ST7: variants seen among roughly 807,000 people sequenced by gnomAD.
ST7 encodes the protein suppressor of tumorigenicity 7 protein.
Under a neutral mutation model 78.7 loss-of-function variants are expected in ST7, and 28 were observed. That is an observed-to-expected ratio of 0.36 (90% CI 0.26 to 0.49). The LOEUF (loss-of-function observed/expected upper bound fraction) is 0.49, where lower values mean the gene tolerates loss of function less well. Among genes scored for constraint, ST7 ranks in the 20% least tolerant of loss-of-function variants. The pLI, the probability that ST7 is intolerant of heterozygous loss-of-function variation, is 0.99. For missense variants in ST7, 418 were observed against 696.0 expected (o/e 0.60, Z 4.49); for synonymous variants, 247 against 249.6 (o/e 0.99, Z 0.10).
chr7:117,190,849 T>G lies in ST7; in HGVS notation c.1167T>G (p.Ala389=), dbSNP rs376908793. 1.2e-6 allele frequency: 2 copies of G among 1,613,870 alleles called. No individual in the cohort carries two copies. The highest frequency in any genetic ancestry group is 1.7e-6 in the Non-Finnish European group (2 of 1,179,968). The change falls in exon 12 of 16, where the codon GCT becomes GCG. Residue 389 remains alanine, a synonymous_variant. Transcript: ENST00000323984. This position sits in a 1 kb window ranked among gnomAD's most constrained non-coding sequence, Gnocchi z 5.2. The part of the protein sequence containing the change: ...RAVSDKFSPE[A]ASRRGLSTAE... ...TGCTTTTCAGATTCTCTCCTGAGGC[T>G]GCATCTCGGCGGGGGCTGAGCACAG...
chr7:117,008,609 A>G (rs1448860387), intron 1 of ST7, among the ~76,000 whole-genome samples: 1 of 152,200 alleles, frequency 6.6e-6, no homozygotes, highest in Non-Finnish European at 1.5e-5. Context: ...CACCAGTTCT[A>G]ATGTGATAGG....
At chr7:117,099,315 T>G (rs79269552) in intron 1 of ST7, among the ~76,000 whole-genome samples, 2,388 of 152,154 alleles carry the variant, frequency 0.016, 48 homozygotes, top group East Asian at 0.049. Flanking sequence ...TAATAACTAT[T>G]TAATATATTA....
chr7:117,152,705 A>G (rs1806388944), intron 9 of ST7, among the ~76,000 whole-genome samples: 1 of 152,152 alleles, frequency 6.6e-6, no homozygotes, highest in Non-Finnish European at 1.5e-5. Context: ...CTGCTGTGAT[A>G]TGGGCTGTAT....
intron 1 of ST7, among the ~76,000 whole-genome samples, chr7:117,086,233 T>C (rs1800135518): frequency 6.6e-6 from 1 of 152,210 alleles, no homozygotes; most frequent in Non-Finnish European, 1.5e-5. Context: ...AGTAACATGA[T>C]GGTTGGCCTT....
chr7:117,193,358 T>G (rs1809979289), intron 12 of ST7, among the ~76,000 whole-genome samples: 1 of 152,242 alleles, frequency 6.6e-6, no homozygotes, highest in African/African-American at 2.4e-5. Flanking sequence ...ATTATTGGTT[T>G]CTTTTGAATG....
intron 3 of ST7, among the ~76,000 whole-genome samples, chr7:117,129,010 G>C (rs1239500386): frequency 6.6e-6 from 1 of 151,744 alleles, no homozygotes; most frequent in African/African-American, 2.4e-5. Context: ...TGTTTTAAAA[G>C]AATTGTAGTT....
chr7:117,185,164 TAAG>T (rs1437894640), intron 10 of ST7, among the ~76,000 whole-genome samples: 1 of 152,156 alleles, frequency 6.6e-6, no homozygotes, highest in African/African-American at 2.4e-5. Context: ...ATATGGCTAA[TAAG>T]ATAACTATAC....
intron 1 of ST7, among the ~76,000 whole-genome samples, chr7:116,965,483 T>G (rs1243483655): frequency 6.6e-6 from 1 of 152,122 alleles, no homozygotes; most frequent in Non-Finnish European, 1.5e-5. Flanking sequence ...AGATAACACG[T>G]TGATGGGTGC....
At chr7:116,994,837 T>A (rs1794579137) in intron 1 of ST7, among the ~76,000 whole-genome samples, 1 of 152,238 alleles carries the variant, frequency 6.6e-6, no homozygotes. Context: ...ATGTGTAATG[T>A]AAAATGAATG....
At chr7:117,185,791 C>T (rs1437218710) in intron 10 of ST7, among the ~76,000 whole-genome samples, 3 of 152,026 alleles carry the variant, frequency 2.0e-5, no homozygotes, top group Middle Eastern at 3.2e-3. Context: ...GGCATGGTGG[C>T]GCATGCCTGT....
chr7:117,001,009 C>T (rs1276624198), intron 1 of ST7, among the ~76,000 whole-genome samples: 1 of 152,160 alleles, frequency 6.6e-6, no homozygotes, highest in African/African-American at 2.4e-5. Flanking sequence ...ATCTAAGATG[C>T]TTTTTGAGCA....
chr7:116,969,688 C>G (rs1585062367), intron 1 of ST7, among the ~76,000 whole-genome samples: 1 of 152,178 alleles, frequency 6.6e-6, no homozygotes, highest in East Asian at 1.9e-4. Flanking sequence ...GCTATTTATT[C>G]AAAGCCTCCC....
chr7:117,088,470 A>G (rs1800328685), intron 1 of ST7, among the ~76,000 whole-genome samples: 1 of 152,214 alleles, frequency 6.6e-6, no homozygotes, highest in Admixed American at 6.5e-5. Flanking sequence ...ACTTGTTAAT[A>G]TTCTTCTTAC....
chr7:117,099,291 A>G (rs1267182002), intron 1 of ST7, among the ~76,000 whole-genome samples: 5 of 152,156 alleles, frequency 3.3e-5, no homozygotes, highest in African/African-American at 1.2e-4. Context: ...GGGTAACCAT[A>G]GTATAATAAT....
intron 1 of ST7, among the ~76,000 whole-genome samples, chr7:117,001,617 T>G (rs1274112337): frequency 6.6e-6 from 1 of 152,234 alleles, no homozygotes; most frequent in African/African-American, 2.4e-5. Context: ...TGGGCCAACC[T>G]TGGAAGAAGG....
chr7:116,959,183 A>AT (rs1299246268), intron 1 of ST7: 1 of 469,226 alleles, frequency 2.1e-6, no homozygotes, highest in Non-Finnish European at 4.4e-6. Context: ...CCAGGAGTAG[A>AT]TTCTATCTCA....
At chr7:117,041,263 A>T (rs1797208999) in intron 1 of ST7, among the ~76,000 whole-genome samples, 1 of 152,234 alleles carries the variant, frequency 6.6e-6, no homozygotes, top group Non-Finnish European at 1.5e-5. Flanking sequence ...ATTCTAGTAG[A>T]TGAGCAAGCA....
At chr7:117,070,991 G>A (rs904624648) in intron 1 of ST7, among the ~76,000 whole-genome samples, 1 of 152,016 alleles carries the variant, frequency 6.6e-6, no homozygotes, top group East Asian at 1.9e-4. Flanking sequence ...AGGCCAAGGC[G>A]GGTGGATCAT....
chr7:117,131,967 G>A lies in ST7; in HGVS notation c.641+7G>A. The stretch of plus-strand genomic sequence containing the variant: ...AAGCCTTGGAGATAAATGAGTAAGT[G>A]GGGGAAAATCTTGCTGTTAAAAAGG... On this transcript the variant is annotated splice_region_variant and intron_variant, in intron 6 of 15. Transcript: ENST00000323984. 2 of 1,610,376 alleles carry A rather than the reference G, an allele frequency of 1.2e-6. No individual in the cohort carries two copies. Among genetic ancestry groups the A allele is most frequent in the Non-Finnish European group, 8.5e-7 (1 of 1,177,578 alleles).
Sources: gnomAD v4.1 joint callset for allele counts (sites outside exome capture counted in the v4.1 genomes callset) on GRCh38, gnomAD v4.1.1 for gene constraint, Gnocchi (gnomAD v3.1) non-coding constraint, MANE v1.5 for transcripts, NCBI Gene and HGNC (gene_info 2026-07-23, HGNC 2026-07-21) for gene names.